The following ABCG2 variants were observed in gnomAD, a reference collection of about 807,000 sequenced individuals.
ABCG2 encodes ATP binding cassette subfamily G member 2 (JR blood group), also known as broad substrate specificity ATP-binding cassette transporter ABCG2.
ABCG2 carries 80 observed loss-of-function variants against 73.5 expected under a neutral mutation model. The observed-to-expected ratio is 1.09, with a 90% confidence interval of 0.91 to 1.31. The LOEUF (loss-of-function observed/expected upper bound fraction) is 1.31, where lower values mean the gene tolerates loss of function less well. Among genes scored for constraint, ABCG2 ranks in the 50% most tolerant of loss-of-function variants. The pLI is 0.00. For missense variants in ABCG2, 796 were observed against 786.2 expected (o/e 1.01, Z -0.15); for synonymous variants, 269 against 282.4 (o/e 0.95, Z 0.48).
intron 1 of ABCG2, among the ~76,000 whole-genome samples, chr4:88,228,090 C>T (rs10516805): frequency 0.064 from 9,812 of 152,254 alleles, 421 homozygotes; most frequent in Non-Finnish European, 0.1. Flanking sequence ...TGGGACAGTG[C>T]TTTGTACAGT....
chr4:88,159,598 A>G (rs553103769), upstream of ABCG2, among the ~76,000 whole-genome samples: 3 of 152,280 alleles, frequency 2.0e-5, no homozygotes, highest in Non-Finnish European at 4.4e-5. Flanking sequence ...TACCTGCTGC[A>G]TCTACCCTAG....
intron 2 of ABCG2, among the ~76,000 whole-genome samples, chr4:88,138,271 T>C (rs1560704268): frequency 6.6e-6 from 1 of 152,240 alleles, no homozygotes; most frequent in Non-Finnish European, 1.5e-5. Flanking sequence ...TGAATTTTTT[T>C]TTCCATAAGA....
At chr4:88,116,279 G>A (rs1256139590) in intron 7 of ABCG2, among the ~76,000 whole-genome samples, 1 of 152,044 alleles carries the variant, frequency 6.6e-6, no homozygotes, top group East Asian at 1.9e-4. Context: ...CAAATCCCCT[G>A]AGCAGTATTC....
chr4:88,183,636 T>C (rs1320112845), intron 1 of ABCG2, among the ~76,000 whole-genome samples: 1 of 152,054 alleles, frequency 6.6e-6, no homozygotes, highest in African/African-American at 2.4e-5. Flanking sequence ...CTAGCAAACA[T>C]TTAAGGAAAA....
At chr4:88,151,429 C>G (rs954540965) in intron 1 of ABCG2, among the ~76,000 whole-genome samples, 2 of 152,142 alleles carry the variant, frequency 1.3e-5, no homozygotes, top group Non-Finnish European at 2.9e-5. Flanking sequence ...ATTCAATCAT[C>G]GGAATTGCAG....
intron 1 of ABCG2, among the ~76,000 whole-genome samples, chr4:88,215,023 T>C: frequency 6.6e-6 from 1 of 152,232 alleles, no homozygotes; most frequent in African/African-American, 2.4e-5. Context: ...GCCCAGGACG[T>C]TGAGGTTTCA....
intron 1 of ABCG2, among the ~76,000 whole-genome samples, chr4:88,196,254 T>C (rs1728938206): frequency 6.6e-6 from 1 of 152,196 alleles, no homozygotes; most frequent in Non-Finnish European, 1.5e-5. Context: ...AAATCAGTCA[T>C]TTAACCTTCC....
intron 13 of ABCG2, 83 bp from the exon 14 acceptor site, chr4:88,095,692 C>T (rs1721938639): frequency 9.3e-7 from 1 of 1,080,676 alleles, no homozygotes; most frequent in East Asian, 2.6e-5. Flanking sequence ...CAAGTCCCTA[C>T]CACTTTGTAA....
At chr4:88,171,083 A>G (rs1560735152) in intron 1 of ABCG2, among the ~76,000 whole-genome samples, 3 of 152,264 alleles carry the variant, frequency 2.0e-5, no homozygotes, top group Middle Eastern at 3.4e-3. Flanking sequence ...ACTCATGAAC[A>G]CAAAGAAGGA....
intron 10 of ABCG2, among the ~76,000 whole-genome samples, chr4:88,104,735 C>G (rs889489909): frequency 6.6e-6 from 1 of 151,786 alleles, no homozygotes; most frequent in African/African-American, 2.4e-5. Flanking sequence ...CTGCAGTGAG[C>G]TATGACTGCA....
intron 1 of ABCG2, among the ~76,000 whole-genome samples, chr4:88,184,237 G>A (rs1728362975): frequency 1.3e-5 from 2 of 152,024 alleles, no homozygotes; most frequent in African/African-American, 4.8e-5. Context: ...AAAAAATAAA[G>A]GGCATCCAAA....
intron 1 of ABCG2, among the ~76,000 whole-genome samples, chr4:88,178,414 C>T (rs1302724812): frequency 6.6e-6 from 1 of 152,110 alleles, no homozygotes; most frequent in African/African-American, 2.4e-5. Flanking sequence ...GTAGCGGTAC[C>T]CAGGCAGTAC....
chr4:88,159,827 T>C (rs1727204283), upstream of ABCG2, among the ~76,000 whole-genome samples: 1 of 152,214 alleles, frequency 6.6e-6, no homozygotes, highest in South Asian at 2.1e-4. Flanking sequence ...AAAAGAATTT[T>C]AAGGTATATA....
At chr4:88,159,886 TTC>T (rs1727208145), upstream of ABCG2, among the ~76,000 whole-genome samples, 1 of 152,214 alleles carries the variant, frequency 6.6e-6, no homozygotes, top group South Asian at 2.1e-4. Flanking sequence ...TTGAATTAAT[TTC>T]TGTCAGTTTC....
At chr4:88,205,651 T>G (rs1729347150) in intron 1 of ABCG2, among the ~76,000 whole-genome samples, 3 of 150,536 alleles carry the variant, frequency 2.0e-5, no homozygotes, top group Admixed American at 6.7e-5. Context: ...TACTTTATCT[T>G]AGCCCTTTAT....
chr4:88,225,202 G>A (rs1008394440), intron 1 of ABCG2, among the ~76,000 whole-genome samples: 2 of 152,184 alleles, frequency 1.3e-5, no homozygotes, highest in African/African-American at 2.4e-5. Context: ...GGGCTTCACA[G>A]GCTGTATTGT....
At chr4:88,116,174 G>A (rs1480028695) in intron 7 of ABCG2, among the ~76,000 whole-genome samples, 5 of 152,128 alleles carry the variant, frequency 3.3e-5, no homozygotes, top group African/African-American at 4.8e-5. Context: ...TAGCCTGGGC[G>A]ACAGAGTGAG....
chr4:88,133,756 G>A (rs1725056855), intron 2 of ABCG2, among the ~76,000 whole-genome samples: 2 of 152,184 alleles, frequency 1.3e-5, no homozygotes. Context: ...CCAGCACTTC[G>A]GGAAGCCGAG....
intron 1 of ABCG2, among the ~76,000 whole-genome samples, chr4:88,176,720 C>A (rs536288993): frequency 2.8e-5 from 4 of 143,144 alleles, no homozygotes; most frequent in African/African-American, 5.1e-5. Context: ...TCTTGAGCTC[C>A]TGGACTCAAG....
Sources: gnomAD v4.1 joint callset for allele counts (sites outside exome capture counted in the v4.1 genomes callset) on GRCh38, gnomAD v4.1.1 for gene constraint, MANE v1.5 for transcripts, NCBI Gene and HGNC (gene_info 2026-07-23, HGNC 2026-07-21) for gene names.